The following MAP2 variants were observed in gnomAD, a reference collection of about 807,000 sequenced individuals.
MAP2 encodes the protein microtubule associated protein 2.
Under a neutral mutation model 137.6 loss-of-function variants are expected in MAP2, and 14 were observed. The observed-to-expected ratio is 0.10, with a 90% confidence interval of 0.07 to 0.16. The LOEUF (loss-of-function observed/expected upper bound fraction) is 0.16, where lower values mean the gene tolerates loss of function less well. Among genes scored for constraint, MAP2 ranks in the 10% least tolerant of loss-of-function variants. The pLI is 1.00. For synonymous variants in MAP2, 786 were observed against 782.3 expected, an observed-to-expected ratio of 1.00 and a Z score of -0.08; for missense variants, 2,088 against 2,191.5, an observed-to-expected ratio of 0.95 and a Z score of 0.94.
Position 209,438,042 on chromosome 2 carries a change from A to T in MAP2, c.-222+13766A>T, listed in dbSNP as rs149595660. On this transcript the variant is annotated intron_variant, in intron 1 of 15. Transcript: ENST00000682079. ...CTAGGTGCAATTGCAAGGAAAGTAC[A>T]ATAGGCATGAGACTGTACTATTGTT... 9.6e-4 allele frequency among the ~76,000 whole-genome samples: 146 copies of T among 151,750 alleles called. No individual in the cohort carries two copies. In the Middle Eastern group the frequency reaches 0.01, roughly 11 times the overall value.
At chr2:209,721,427 T>C (rs1426433084) in intron 13 of MAP2, among the ~76,000 whole-genome samples, 1 of 152,192 alleles carries the variant, frequency 6.6e-6, no homozygotes, top group African/African-American at 2.4e-5. Context: ...GTTGAGCAGA[T>C]ATAGGTGGAG....
At chr2:209,439,693 G>A (rs1358391805) in intron 1 of MAP2, among the ~76,000 whole-genome samples, 1 of 151,428 alleles carries the variant, frequency 6.6e-6, no homozygotes, top group Non-Finnish European at 1.5e-5. Context: ...CTACATAAGA[G>A]ATGCATATCA....
chr2:209,600,731 G>A (rs959857671), intron 3 of MAP2, among the ~76,000 whole-genome samples: 5 of 152,166 alleles, frequency 3.3e-5, no homozygotes, highest in African/African-American at 1.2e-4. Context: ...GCCAGGACAC[G>A]GTGAGTGAGC....
Position 209,601,747 on chromosome 2 carries a change from G to T in MAP2, c.-107+21647G>T, listed in dbSNP as rs541500664. 9.2e-5 allele frequency among the ~76,000 whole-genome samples: 14 copies of T among 152,278 alleles called. No homozygotes were observed. The South Asian group carries it at 2.9e-3, about 32-fold the overall frequency. On this transcript the variant is annotated intron_variant, in intron 3 of 15. Transcript: ENST00000682079. ...GGAGGTTGAATCACATGGGTTGGCA[G>T]TGTATTTTTCTGTGATATGCGACAT...
rs2088966599 is a variant in MAP2, at chr2:209,444,185, A to G, written c.-222+19909A>G. Among the ~76,000 whole-genome samples the G allele has an allele frequency of 3.3e-5, 5 of 151,530 alleles. No homozygotes were observed. In the Admixed American group the frequency reaches 3.3e-4, roughly 10 times the overall value. ...CATTAACACCAGCAAAGTAGTCAGA[A>G]GTTTAAGACATCTATCTCAAGTTAA... On this transcript the variant is annotated intron_variant, in intron 1 of 15. Coordinates refer to ENST00000682079, the MANE Select transcript of MAP2 (RefSeq NM_001375505.1).
chr2:209,592,785 CTA>C (rs1366164295), intron 3 of MAP2, among the ~76,000 whole-genome samples: 7 of 152,038 alleles, frequency 4.6e-5, no homozygotes, highest in Non-Finnish European at 8.8e-5. Flanking sequence ...GGCAATCAGA[CTA>C]TTTTTAATGA....
At chr2:209,633,098 C>T (rs1341234790) in intron 4 of MAP2, among the ~76,000 whole-genome samples, 1 of 152,150 alleles carries the variant, frequency 6.6e-6, no homozygotes, top group Non-Finnish European at 1.5e-5. Flanking sequence ...TTTCTTCATT[C>T]TAACCTCAGC....
At chr2:209,620,139 T>C (rs2090695984) in intron 3 of MAP2, among the ~76,000 whole-genome samples, 1 of 152,186 alleles carries the variant, frequency 6.6e-6, no homozygotes, top group Admixed American at 6.5e-5. Context: ...GTGTAAAGCC[T>C]CTGAGACTTA....
intron 2 of MAP2, among the ~76,000 whole-genome samples, chr2:209,539,581 C>G (rs28612937): frequency 6.6e-6 from 1 of 152,122 alleles, no homozygotes; most frequent in African/African-American, 2.4e-5. Flanking sequence ...TAACTGAAAA[C>G]TAGTGCTTAA....
intron 3 of MAP2, among the ~76,000 whole-genome samples, chr2:209,619,385 A>G (rs551145154): frequency 2.0e-5 from 3 of 152,294 alleles, no homozygotes; most frequent in South Asian, 2.1e-4. Flanking sequence ...CATATTATAC[A>G]TGATAAATAT....
chr2:209,493,851 C>G (rs2059419427), intron 1 of MAP2, among the ~76,000 whole-genome samples: 1 of 152,158 alleles, frequency 6.6e-6, no homozygotes, highest in Admixed American at 6.5e-5. Flanking sequence ...TAAATTAGTT[C>G]AACCATTGTG....
chr2:209,475,851 T>C (rs981865256), intron 1 of MAP2, among the ~76,000 whole-genome samples: 2 of 152,168 alleles, frequency 1.3e-5, no homozygotes, highest in African/African-American at 4.8e-5. Context: ...TTAGCAGTAT[T>C]CCAGAACCTT....
chr2:209,642,256 AC>A (rs1214386070), intron 4 of MAP2, among the ~76,000 whole-genome samples: 1 of 150,672 alleles, frequency 6.6e-6, no homozygotes. Context: ...ACATAACAAG[AC>A]CCATCTCTTG....
chr2:209,650,943 G>T (rs188152568), intron 4 of MAP2, among the ~76,000 whole-genome samples: 12 of 152,094 alleles, frequency 7.9e-5, no homozygotes, highest in African/African-American at 2.9e-4. Context: ...TCTTAATTAA[G>T]CTCTTTGGTA....
In MAP2 at chr2:209,451,040, A is replaced by G. The variant is rs1222470906; in HGVS notation, c.-222+26764A>G. Among the ~76,000 whole-genome samples the G allele has an allele frequency of 5.3e-5, 8 of 152,288 alleles. No individual in the cohort carries two copies. In the East Asian group the frequency reaches 9.7e-4, roughly 18 times the overall value. ...CTTATTTCTTCTGCTGGGTATGTAA[A>G]GACAATATCTGCTGGCCTGGTAACC... On this transcript the variant is annotated intron_variant, in intron 1 of 15. Transcript: ENST00000682079.
At chr2:209,605,573 A>G (rs185541139) in intron 3 of MAP2, among the ~76,000 whole-genome samples, 2 of 152,264 alleles carry the variant, frequency 1.3e-5, no homozygotes, top group East Asian at 1.9e-4. Context: ...CTTCCCCACA[A>G]GTTTTATTAG....
At chr2:209,642,728 GATTTTCAGCA>G (rs1276554320) in intron 4 of MAP2, among the ~76,000 whole-genome samples, 1 of 152,106 alleles carries the variant, frequency 6.6e-6, no homozygotes, top group Non-Finnish European at 1.5e-5. Flanking sequence ...CAAATATCTG[GATTTTCAGCA>G]TATCTTTTTC....
At chr2:209,541,630 A>G (rs2067061333) in intron 2 of MAP2, among the ~76,000 whole-genome samples, 1 of 144,344 alleles carries the variant, frequency 6.9e-6, no homozygotes, top group Admixed American at 6.7e-5. Flanking sequence ...AATATTCTAA[A>G]TCCTTTGTTG....
intron 14 of MAP2, among the ~76,000 whole-genome samples, chr2:209,729,053 T>G (rs1157474819): frequency 6.6e-6 from 1 of 152,142 alleles, no homozygotes; most frequent in Admixed American, 6.5e-5. Context: ...CTTTCCATAT[T>G]TGAGAGCTTG....
Sources: allele counts gnomAD v4.1 joint callset (sites outside exome capture counted in the v4.1 genomes callset), GRCh38; gene constraint gnomAD v4.1.1; transcripts MANE v1.5; gene names NCBI Gene and HGNC (gene_info 2026-07-23, HGNC 2026-07-21).